The following RAPGEF6 variants were observed in gnomAD, a reference collection of about 807,000 sequenced individuals.
RAPGEF6 encodes Rap guanine nucleotide exchange factor 6.
RAPGEF6 carries 56 observed loss-of-function variants against 171.4 expected under a neutral mutation model. The observed-to-expected ratio is 0.33, with a 90% CI of 0.26 to 0.41. RAPGEF6 has a LOEUF of 0.41. Among genes scored for constraint, RAPGEF6 ranks in the 10% least tolerant of loss-of-function variants. RAPGEF6 has a pLI of 1.00. For missense variants in RAPGEF6, 1,674 were observed against 1,921.4 expected, an observed-to-expected ratio of 0.87 and a Z score of 2.41; for synonymous variants, 692 against 650.1, an observed-to-expected ratio of 1.06 and a Z score of -0.98.
chr5:131,580,209 C>T lies in RAPGEF6; in HGVS notation c.281+12174G>A, dbSNP rs190392740. Among the ~76,000 whole-genome samples the T allele has an allele frequency of 2.4e-3, 372 of 152,250 alleles. 1 individual carries two copies. Among genetic ancestry groups the T allele is most frequent in the African/African-American group, 8.2e-3 (342 of 41,530 alleles). ...AGGCAGCTGAGGCCTGGTGAGAATT[C>T]GAGCGTGGCATGGGCAGGCCGGCAG... On this transcript the variant is annotated intron_variant, in intron 4 of 27. Transcript: ENST00000509018.
chr5:131,553,064 C>G (rs567390701), intron 5 of RAPGEF6, among the ~76,000 whole-genome samples: 4 of 152,220 alleles, frequency 2.6e-5, no homozygotes, highest in African/African-American at 7.2e-5. Context: ...CAAGAAAGCC[C>G]TAAGTGCCCT....
intron 6 of RAPGEF6, among the ~76,000 whole-genome samples, chr5:131,540,956 G>A (rs192893968): frequency 1.1e-4 from 16 of 152,262 alleles, no homozygotes; most frequent in Admixed American, 3.9e-4. Context: ...ACTCCAGCCC[G>A]GGCGACAGTG....
chr5:131,520,782 A>T (rs1160695733), intron 7 of RAPGEF6, among the ~76,000 whole-genome samples: 1 of 152,158 alleles, frequency 6.6e-6, no homozygotes, highest in Non-Finnish European at 1.5e-5. Context: ...CTTGAACCTA[A>T]CTTGGGTTCA....
At chr5:131,632,530 C>G (rs1468989098) in intron 1 of RAPGEF6, among the ~76,000 whole-genome samples, 1 of 152,134 alleles carries the variant, frequency 6.6e-6, no homozygotes, top group Admixed American at 6.5e-5. Flanking sequence ...ATGTAACTTA[C>G]CTTTTAGTAT....
chr5:131,446,043 A>G (rs1337674065), intron 22 of RAPGEF6, among the ~76,000 whole-genome samples: 2 of 151,206 alleles, frequency 1.3e-5, no homozygotes, highest in African/African-American at 2.4e-5. Context: ...AATGTGTCTG[A>G]TTTTTTTTTG....
intron 4 of RAPGEF6, among the ~76,000 whole-genome samples, chr5:131,572,975 T>C (rs1354130054): frequency 6.6e-6 from 1 of 152,118 alleles, no homozygotes; most frequent in East Asian, 1.9e-4. Flanking sequence ...CTTACATCCA[T>C]GCATTTTTTA....
chr5:131,622,683 C>T (rs1765663226), intron 1 of RAPGEF6, among the ~76,000 whole-genome samples: 1 of 152,162 alleles, frequency 6.6e-6, no homozygotes, highest in Non-Finnish European at 1.5e-5. Flanking sequence ...GATGTTCATC[C>T]AGATAATCCA....
intron 1 of RAPGEF6, among the ~76,000 whole-genome samples, chr5:131,617,145 CT>C (rs532198968): frequency 4.8e-4 from 73 of 152,278 alleles, no homozygotes; most frequent in African/African-American, 1.7e-3. Context: ...GGAAGGCAGT[CT>C]AACAATGTGG....
chr5:131,511,481 C>CTTTTTTTTTT (rs55782171), intron 7 of RAPGEF6, among the ~76,000 whole-genome samples: 5 of 137,330 alleles, frequency 3.6e-5, no homozygotes, highest in Non-Finnish European at 3.1e-5. Flanking sequence ...AAAAGATCAT[C>CTTTTTTTTTT]TTTTTTTTTT....
chr5:131,625,767 G>A (rs1765883380), intron 1 of RAPGEF6, among the ~76,000 whole-genome samples: 1 of 147,088 alleles, frequency 6.8e-6, no homozygotes, highest in South Asian at 2.2e-4. Flanking sequence ...AGTCAGCCGA[G>A]ATAGCGCCAC....
chr5:131,486,014 C>G (rs1235946369), intron 15 of RAPGEF6, among the ~76,000 whole-genome samples: 1 of 152,014 alleles, frequency 6.6e-6, no homozygotes, highest in Non-Finnish European at 1.5e-5. Context: ...TATTTATTTT[C>G]TTTTGTCAGG....
At chr5:131,587,652 G>C (rs1474400497) in intron 4 of RAPGEF6, among the ~76,000 whole-genome samples, 1 of 152,154 alleles carries the variant, frequency 6.6e-6, no homozygotes, top group Non-Finnish European at 1.5e-5. Context: ...GTTCTTTAAA[G>C]GATATTGAAA....
chr5:131,430,637 A>G, intron 26 of RAPGEF6: 1 of 687,582 alleles, frequency 1.5e-6, no homozygotes, highest in Non-Finnish European at 2.6e-6. Context: ...CTCTAATTAA[A>G]TACCTTCACA....
Position 131,495,643 on chromosome 5 carries a change from T to A in RAPGEF6, c.1437A>T (p.Leu479Phe). 1 of 1,613,420 alleles carries A rather than the reference T, an allele frequency of 6.2e-7. No homozygotes were observed. The highest frequency in any genetic ancestry group is 1.1e-5 in the South Asian group (1 of 90,998). Residue 479 changes from leucine to phenylalanine, a missense_variant, in exon 13 of 28, where the codon TTA (leucine) becomes TTT (phenylalanine). Physicochemically the swap from Leu to Phe is conservative, Grantham distance 22 (BLOSUM62 0). Coordinates refer to ENST00000509018, the MANE Select transcript of RAPGEF6 (RefSeq NM_016340.6). ...CATTAAAATGATTATTTACCCATAA[T>A]AATACAATCCGTGTCACCTGTGGAA... ...SLRDKVTRIV[L>F]LWVNNHFNDF...
chr5:131,461,806 T>C lies in RAPGEF6; in HGVS notation c.2763A>G (p.Glu921=). Residue 921 remains glutamate (E), a synonymous_variant, in exon 19 of 28, where the codon GAA becomes GAG. Coordinates refer to ENST00000509018, the MANE Select transcript of RAPGEF6 (RefSeq NM_016340.6). Reference sequence around the variant, plus strand: ...TCTTCATTCGTTTGAGCTGATTTGCTTCAGTTAAAATTTCTGAGGCAACCC... The same window carrying C: ...TCTTCATTCGTTTGAGCTGATTTGCCTCAGTTAAAATTTCTGAGGCAACCC... ...TFWVASEILT[E]ANQLKRMKII... 1 of 1,613,894 alleles carries C rather than the reference T, an allele frequency of 6.2e-7. No homozygotes were observed.
At chr5:131,632,059 G>C (rs6898855) in intron 1 of RAPGEF6, among the ~76,000 whole-genome samples, 1,925 of 130,232 alleles carry the variant, frequency 0.015, 34 homozygotes, top group African/African-American at 0.052. Context: ...CTGGGTGACA[G>C]AGCAAGACTC....
chr5:131,513,986 C>G (rs1320849832), intron 7 of RAPGEF6, among the ~76,000 whole-genome samples: 1 of 152,146 alleles, frequency 6.6e-6, no homozygotes, highest in African/African-American at 2.4e-5. Flanking sequence ...CGAGATCTTG[C>G]TGCTGCACTC....
intron 1 of RAPGEF6, among the ~76,000 whole-genome samples, chr5:131,606,029 C>CAAAAAAAAAAAA (rs1168486376): frequency 9.9e-5 from 7 of 70,554 alleles, no homozygotes; most frequent in African/African-American, 3.5e-4. Flanking sequence ...GACTCCATCT[C>CAAAAAAAAAAAA]AAAAAAAAAA....
chr5:131,528,115 A>G (rs1322565498), intron 6 of RAPGEF6, among the ~76,000 whole-genome samples: 3 of 126,064 alleles, frequency 2.4e-5, no homozygotes, highest in Non-Finnish European at 4.8e-5. Context: ...ATTATATATC[A>G]TATAAAATAT....
Sources: allele counts gnomAD v4.1 joint callset (sites outside exome capture counted in the v4.1 genomes callset), GRCh38; gene constraint gnomAD v4.1.1; transcripts MANE v1.5; gene names NCBI Gene and HGNC (gene_info 2026-07-23, HGNC 2026-07-21).